The following MYLK4 variants were observed in gnomAD, a reference collection of about 807,000 sequenced individuals.
The protein encoded by MYLK4 is caMLCK like.
Under a neutral mutation model 48.1 loss-of-function variants are expected in MYLK4, and 46 were observed. That is an observed-to-expected ratio of 0.96 (90% CI 0.75 to 1.22). MYLK4 has a LOEUF of 1.22. Ranked by LOEUF, MYLK4 falls within the 50% of genes most tolerant of loss-of-function variation. The pLI, the probability that MYLK4 is intolerant of heterozygous loss-of-function variation, is 0.00. For synonymous variants in MYLK4, 170 were observed against 180.8 expected, an observed-to-expected ratio of 0.94 and a Z score of 0.48; for missense variants, 451 against 486.1, an observed-to-expected ratio of 0.93 and a Z score of 0.68.
At chr6:2,681,587 T>A (rs1216824671) in intron 7 of MYLK4, among the ~76,000 whole-genome samples, 1 of 152,200 alleles carries the variant, frequency 6.6e-6, no homozygotes, top group African/African-American at 2.4e-5. Context: ...TTAAACAATG[T>A]TCATTGGATA....
At chr6:2,745,278 T>G (rs1414450629) in intron 2 of MYLK4, among the ~76,000 whole-genome samples, 1 of 152,150 alleles carries the variant, frequency 6.6e-6, no homozygotes, top group Non-Finnish European at 1.5e-5. Flanking sequence ...CGAGGGCTAT[T>G]TACTATATAG....
In MYLK4 at chr6:2,678,231, A is replaced by G. The variant is rs761054112; in HGVS notation, c.1029T>C (p.Ile343=). The G allele has an allele frequency of 3.1e-6, 5 of 1,613,998 alleles. No individual in the cohort carries two copies. The highest frequency in any genetic ancestry group is 1.1e-5 in the South Asian group (1 of 91,068). Residue 343 remains isoleucine (I), a synonymous_variant, in exon 10 of 13, where the codon ATT becomes ATC. Coordinates refer to ENST00000274643, the MANE Select transcript of MYLK4 (RefSeq NM_001012418.5). ...EAKEFISKLL[I]KEKSWRISAS... is the part of the protein sequence containing the mutation. ...CGAACTTGCGTTACCTCTTCTCCTT[A>G]ATCAGAAGCTTAGAGATGAACTCCT...
chr6:2,769,774 T>C, the MYLK4 span, among the ~76,000 whole-genome samples: 14 of 152,214 alleles, frequency 9.2e-5, no homozygotes, highest in Admixed American at 1.3e-4. Context: ...AATAAATAGC[T>C]GTTACATATA....
intron 12 of MYLK4, among the ~76,000 whole-genome samples, chr6:2,668,726 C>G (rs577651936): frequency 1.2e-4 from 19 of 152,094 alleles, no homozygotes; most frequent in Non-Finnish European, 1.9e-4. Flanking sequence ...TGAGGCTGCT[C>G]CCAGAGTTAA....
At chr6:2,766,059 C>A in the MYLK4 span, 2 of 1,294,088 alleles carry the variant, frequency 1.5e-6, no homozygotes, top group Non-Finnish European at 2.0e-6. Context: ...CCGGCGGCCG[C>A]CGCCGCGGCG....
At chr6:2,752,641 C>T (rs117683623), upstream of MYLK4, among the ~76,000 whole-genome samples, 25 of 152,218 alleles carry the variant, frequency 1.6e-4, no homozygotes, top group East Asian at 4.6e-3. Flanking sequence ...GTCCATTAAA[C>T]GTTCAAGTTG....
At chr6:2,766,547 C>T in the MYLK4 span, 2 of 1,415,418 alleles carry the variant, frequency 1.4e-6, no homozygotes, top group Non-Finnish European at 1.9e-6. Flanking sequence ...AGCCGCCTGC[C>T]TCTCCTGGAT....
At chr6:2,679,164 G>A in intron 9 of MYLK4, 116 bp downstream of exon 9, 5 of 1,234,754 alleles carry the variant, frequency 4.0e-6, no homozygotes, top group African/African-American at 1.5e-5. Flanking sequence ...ACTGAGGATG[G>A]GACAGTGTTA....
intron 2 of MYLK4, among the ~76,000 whole-genome samples, chr6:2,722,775 T>G (rs999397630): frequency 6.6e-6 from 1 of 152,108 alleles, no homozygotes; most frequent in African/African-American, 2.4e-5. Context: ...AGCAAAGGCT[T>G]TGTAAAACAT....
chr6:2,685,252 A>T lies in MYLK4; in HGVS notation c.545+44T>A. On this transcript the variant is annotated intron_variant, in intron 6 of 12. Coordinates refer to ENST00000274643, the MANE Select transcript of MYLK4 (RefSeq NM_001012418.5). The surrounding 1 kb of genome is among the most constrained non-coding windows in gnomAD (Gnocchi z 4.5). ...CTACTGAGGCACGGTCACGGTCATG[A>T]GTGCCCTTGGGGAGGTCAGGGAGGG... 4 of 1,429,788 alleles carry T rather than the reference A, an allele frequency of 2.8e-6. No individual in the cohort carries two copies. Among genetic ancestry groups the T allele is most frequent in the Non-Finnish European group, 3.9e-6 (4 of 1,015,576 alleles). The allele number at this position is 1,429,788 out of a possible 1,614,324, so 88.6% of individuals were successfully genotyped here.
intron 2 of MYLK4, among the ~76,000 whole-genome samples, chr6:2,723,690 CG>C (rs1056314317): frequency 2.6e-4 from 40 of 152,106 alleles, no homozygotes; most frequent in Non-Finnish European, 1.5e-5. Context: ...TAGAAGTGGT[CG>C]GGCTGTGGGT....
intron 2 of MYLK4, among the ~76,000 whole-genome samples, chr6:2,728,007 GC>G (rs549134029): frequency 1.8e-4 from 27 of 150,692 alleles, no homozygotes; most frequent in Non-Finnish European, 3.8e-4. Flanking sequence ...CCCTGGTATA[GC>G]CCTTATTTAA....
intron 1 of MYLK4, 45 bp downstream of exon 1, chr6:2,750,690 AG>A (rs1348307426): frequency 1.3e-5 from 2 of 152,238 alleles, no homozygotes; most frequent in Non-Finnish European, 2.9e-5. Flanking sequence ...CTTAGAAAAA[AG>A]GGGAGGAGAT....
the MYLK4 span, among the ~76,000 whole-genome samples, chr6:2,763,859 G>C: frequency 4.8e-5 from 7 of 146,238 alleles, no homozygotes; most frequent in Admixed American, 1.3e-4. Context: ...AAAAAAAAAA[G>C]CTCACGGTCG....
chr6:2,763,743 G>T, the MYLK4 span, among the ~76,000 whole-genome samples: 1 of 152,332 alleles, frequency 6.6e-6, no homozygotes, highest in African/African-American at 2.4e-5. Context: ...GAAGGGTTTC[G>T]CAACCACGGC....
Position 2,666,614 on chromosome 6 carries a change from T to A in MYLK4, c.*1311A>T, listed in dbSNP as rs9503245. 6.6e-6 allele frequency: 1 copy of A among 152,030 alleles called. No individual in the cohort carries two copies. Among genetic ancestry groups the A allele is most frequent in the Non-Finnish European group, 1.5e-5 (1 of 67,990 alleles). 9.4% of individuals were successfully genotyped at this position (152,030 alleles called of 1,614,324 possible). A position where few individuals can be genotyped will look rare whatever the true frequency, so the allele number is the denominator to read the frequency against. ...TGGAAAATGTGAGAAAGCTCATGAA[T>A]CTGGTTGGTGAGCTTGGAGTTCAGC... On this transcript the variant is annotated 3_prime_UTR_variant, in exon 13 of 13. Transcript: ENST00000274643.
chr6:2,698,747 C>T (rs751726980), intron 2 of MYLK4, among the ~76,000 whole-genome samples: 10 of 152,258 alleles, frequency 6.6e-5, no homozygotes, highest in African/African-American at 1.4e-4. Flanking sequence ...ATAGAAGATA[C>T]TTCTAGAGAT....
chr6:2,766,330 G>A, the MYLK4 span: 2 of 1,610,726 alleles, frequency 1.2e-6, no homozygotes, highest in Middle Eastern at 1.7e-4. Context: ...CTGACACGCT[G>A]CAGGATTACT....
chr6:2,760,776 ATAGAG>A, the MYLK4 span, among the ~76,000 whole-genome samples: 1 of 152,360 alleles, frequency 6.6e-6, no homozygotes, highest in African/African-American at 2.4e-5. Flanking sequence ...CAGTAAGAAA[ATAGAG>A]TAAATAAAAG....
Sources: gnomAD v4.1 joint callset for allele counts (sites outside exome capture counted in the v4.1 genomes callset) on GRCh38, gnomAD v4.1.1 for gene constraint, Gnocchi (gnomAD v3.1) non-coding constraint, MANE v1.5 for transcripts, NCBI Gene and HGNC (gene_info 2026-07-23, HGNC 2026-07-21) for gene names.